CACNB2: variants seen among roughly 807,000 people sequenced by gnomAD.
CACNB2 encodes the protein calcium voltage-gated channel auxiliary subunit beta 2, also known as voltage-dependent L-type calcium channel subunit beta-2.
In CACNB2, 42 loss-of-function variants were observed where a neutral mutation model predicts 73.3. That is an observed-to-expected ratio of 0.57 (90% CI 0.45 to 0.74). The LOEUF is 0.74. Among genes scored for constraint, CACNB2 ranks in the 30% least tolerant of loss-of-function variants. CACNB2 has a pLI of 0.00. For missense variants in CACNB2, 940 were observed against 853.0 expected, an observed-to-expected ratio of 1.10 and a Z score of -1.27; for synonymous variants, 348 against 310.3, an observed-to-expected ratio of 1.12 and a Z score of -1.28.
At chr10:18,302,823 G>A (rs1037450462) in intron 2 of CACNB2, among the ~76,000 whole-genome samples, 8 of 152,020 alleles carry the variant, frequency 5.3e-5, no homozygotes, top group Admixed American at 3.3e-4. Context: ...TCATGTAACC[G>A]AACACCACCT....
intron 2 of CACNB2, among the ~76,000 whole-genome samples, chr10:18,396,395 A>T (rs2043715295): frequency 6.6e-6 from 1 of 152,212 alleles, no homozygotes; most frequent in African/African-American, 2.4e-5. Flanking sequence ...AAATGAAAGA[A>T]TTATCTCCCT....
intron 6 of CACNB2, among the ~76,000 whole-genome samples, chr10:18,510,153 T>C (rs2050688712): frequency 1.3e-5 from 2 of 152,202 alleles, no homozygotes; most frequent in Admixed American, 1.3e-4. Flanking sequence ...GTTAACCAAA[T>C]GTCAGAACTA....
intron 3 of CACNB2, among the ~76,000 whole-genome samples, chr10:18,464,147 A>G (rs1290152709): frequency 2.0e-5 from 3 of 148,968 alleles, no homozygotes; most frequent in African/African-American, 7.4e-5. Context: ...TTCTCTGGAC[A>G]TCTCTTGCCA....
chr10:18,364,110 T>G (rs553031688), intron 2 of CACNB2, among the ~76,000 whole-genome samples: 1 of 150,628 alleles, frequency 6.6e-6, no homozygotes, highest in Non-Finnish European at 1.5e-5. Flanking sequence ...CCACACCCAG[T>G]TGATTTTGTA....
intron 3 of CACNB2, among the ~76,000 whole-genome samples, chr10:18,445,402 C>G (rs1413878276): frequency 1.3e-5 from 2 of 152,168 alleles, no homozygotes; most frequent in Non-Finnish European, 2.9e-5. Context: ...GGAGAATTTT[C>G]TTTTCCATTA....
intron 1 of CACNB2, among the ~76,000 whole-genome samples, chr10:18,148,450 G>T (rs2031209155): frequency 6.6e-6 from 1 of 152,132 alleles, no homozygotes; most frequent in African/African-American, 2.4e-5. Context: ...TTATGAACAG[G>T]ATTCCCAGGG....
chr10:18,310,013 A>AT (rs2039895185), intron 2 of CACNB2, among the ~76,000 whole-genome samples: 1 of 152,226 alleles, frequency 6.6e-6, no homozygotes, highest in Admixed American at 6.5e-5. Flanking sequence ...TAATTTATAT[A>AT]TCCAACTAAA....
At chr10:18,378,846 T>G (rs2042904694) in intron 2 of CACNB2, among the ~76,000 whole-genome samples, 1 of 152,176 alleles carries the variant, frequency 6.6e-6, no homozygotes, top group African/African-American at 2.4e-5. Context: ...AATTATAAAC[T>G]TCAATTTTAA....
intron 3 of CACNB2, among the ~76,000 whole-genome samples, chr10:18,422,806 C>G (rs1415475357): frequency 1.3e-5 from 2 of 152,140 alleles, no homozygotes; most frequent in Non-Finnish European, 2.9e-5. Flanking sequence ...TCAAGTGATT[C>G]CCCTGCTTCA....
chr10:18,210,073 G>A (rs1209440010), intron 2 of CACNB2, among the ~76,000 whole-genome samples: 1 of 152,166 alleles, frequency 6.6e-6, no homozygotes, highest in Non-Finnish European at 1.5e-5. Context: ...ACAGGAGGAG[G>A]GAATGTCATA....
At chr10:18,519,320 T>G (rs1219397521) in intron 9 of CACNB2, among the ~76,000 whole-genome samples, 3 of 152,158 alleles carry the variant, frequency 2.0e-5, no homozygotes, top group African/African-American at 7.2e-5. Context: ...AAGACTTCTG[T>G]GCCATCTCCC....
At chr10:18,143,324 G>C (rs935235074) in intron 1 of CACNB2, among the ~76,000 whole-genome samples, 18 of 152,312 alleles carry the variant, frequency 1.2e-4, no homozygotes, top group Admixed American at 3.9e-4. Flanking sequence ...AGTTTGGGCC[G>C]AGGTAATAAG....
intron 2 of CACNB2, among the ~76,000 whole-genome samples, chr10:18,329,019 C>G (rs1226357195): frequency 6.6e-6 from 1 of 152,210 alleles, no homozygotes; most frequent in Non-Finnish European, 1.5e-5. Context: ...TCACAAGAGG[C>G]ATATGCATAG....
At chr10:18,485,193 T>C (rs1318455807) in intron 3 of CACNB2, among the ~76,000 whole-genome samples, 1 of 152,174 alleles carries the variant, frequency 6.6e-6, no homozygotes, top group Non-Finnish European at 1.5e-5. Flanking sequence ...TTTGCCCATA[T>C]ATAAAGAATA....
intron 2 of CACNB2, among the ~76,000 whole-genome samples, chr10:18,193,864 C>G (rs1384135249): frequency 6.6e-6 from 1 of 152,172 alleles, no homozygotes; most frequent in Non-Finnish European, 1.5e-5. Context: ...AAGCTTGTTG[C>G]TTTTGTGAGC....
chr10:18,347,893 C>A (rs1157937702), intron 2 of CACNB2, among the ~76,000 whole-genome samples: 2 of 152,176 alleles, frequency 1.3e-5, no homozygotes, highest in Non-Finnish European at 2.9e-5. Context: ...TTTTTCAAGG[C>A]TAAATTCTAC....
At chr10:18,375,747 G>C (rs1219087782) in intron 2 of CACNB2, among the ~76,000 whole-genome samples, 1 of 152,180 alleles carries the variant, frequency 6.6e-6, no homozygotes, top group Non-Finnish European at 1.5e-5. Context: ...GGTATTGCCT[G>C]TGTCTACAGT....
intron 3 of CACNB2, among the ~76,000 whole-genome samples, chr10:18,402,668 C>T (rs893601862): frequency 3.9e-5 from 6 of 152,178 alleles, no homozygotes; most frequent in African/African-American, 1.4e-4. Flanking sequence ...CAGGATTCAT[C>T]TCAGGCCATG....
intron 2 of CACNB2, among the ~76,000 whole-genome samples, chr10:18,236,591 G>A (rs937853930): frequency 2.0e-5 from 3 of 152,200 alleles, no homozygotes; most frequent in Non-Finnish European, 2.9e-5. Context: ...TGGAGAAAGA[G>A]AATGAAACTT....
Sources: allele counts gnomAD v4.1 joint callset (sites outside exome capture counted in the v4.1 genomes callset), GRCh38; gene constraint gnomAD v4.1.1; transcripts MANE v1.5; gene names NCBI Gene and HGNC (gene_info 2026-07-23, HGNC 2026-07-21).